Variants in DLEU7 observed in about 807,000 individuals in gnomAD.
DLEU7 encodes the protein leukemia-associated protein 7.
DLEU7 carries 17 observed loss-of-function variants against 16.0 expected under a neutral mutation model. The ratio of observed to expected loss-of-function variants is 1.06; its 90% CI spans 0.73 to 1.59. DLEU7 has a LOEUF of 1.59. Among genes scored for constraint, DLEU7 ranks in the 40% most tolerant of loss-of-function variants. The probability of loss-of-function intolerance (pLI) is 0.00; values close to 1 mark genes in which losing one functional copy is unlikely to be tolerated. For missense variants in DLEU7, 308 were observed against 314.9 expected, an observed-to-expected ratio of 0.98 and a Z score of 0.17; for synonymous variants, 113 against 139.8, an observed-to-expected ratio of 0.81 and a Z score of 1.35.
chr13:50,828,368 C>A (rs779618910), intron 1 of DLEU7, among the ~76,000 whole-genome samples: 1 of 152,022 alleles, frequency 6.6e-6, no homozygotes, highest in Non-Finnish European at 1.5e-5. Context: ...ACATAGATAC[C>A]CTTCCCAAAA....
At chr13:50,805,629 C>T (rs9535486) in intron 1 of DLEU7, among the ~76,000 whole-genome samples, 25,412 of 151,508 alleles carry the variant, frequency 0.17, 3,638 homozygotes, top group African/African-American at 0.38. Context: ...TTTCTAATTC[C>T]GTCTTCCACA....
chr13:50,827,705 G>A (rs1237685025), intron 1 of DLEU7, among the ~76,000 whole-genome samples: 1 of 151,814 alleles, frequency 6.6e-6, no homozygotes, highest in Non-Finnish European at 1.5e-5. Context: ...AGAAAAAACA[G>A]ATTATTGACC....
intron 1 of DLEU7, among the ~76,000 whole-genome samples, chr13:50,744,993 T>C (rs1874353843): frequency 6.6e-6 from 1 of 152,202 alleles, no homozygotes; most frequent in South Asian, 2.1e-4. Context: ...GCAGCCATTA[T>C]GGAAAACAAT....
chr13:50,755,724 T>C (rs1874735165), intron 1 of DLEU7, among the ~76,000 whole-genome samples: 1 of 151,160 alleles, frequency 6.6e-6, no homozygotes, highest in Non-Finnish European at 1.5e-5. Context: ...TTTGTATCCA[T>C]TGCTGGTGAG....
chr13:50,801,351 C>G (rs1178743365), intron 1 of DLEU7, among the ~76,000 whole-genome samples: 1 of 152,150 alleles, frequency 6.6e-6, no homozygotes, highest in East Asian at 1.9e-4. Flanking sequence ...ATGTTTTCAG[C>G]TATTCCAGGT....
chr13:50,781,687 G>A (rs1365641885), intron 1 of DLEU7, among the ~76,000 whole-genome samples: 2 of 152,054 alleles, frequency 1.3e-5, no homozygotes, highest in African/African-American at 4.8e-5. Context: ...TCTAGACCAC[G>A]CCTGTCTTTG....
chr13:50,777,299 G>C (rs1443484412), intron 1 of DLEU7, among the ~76,000 whole-genome samples: 3 of 152,176 alleles, frequency 2.0e-5, no homozygotes, highest in Non-Finnish European at 4.4e-5. Flanking sequence ...CAGTGGGCTG[G>C]GAAAGGCAGA....
At chr13:50,729,926 C>T (rs939541122) in intron 1 of DLEU7, among the ~76,000 whole-genome samples, 11 of 151,904 alleles carry the variant, frequency 7.2e-5, no homozygotes, top group East Asian at 1.9e-4. Context: ...CTTAACTTAT[C>T]GTCTATTTTT....
At chr13:50,841,403 T>C (rs1401434698) in intron 1 of DLEU7, among the ~76,000 whole-genome samples, 1 of 152,152 alleles carries the variant, frequency 6.6e-6, no homozygotes, top group South Asian at 2.1e-4. Flanking sequence ...GTATTTTTTT[T>C]TTAAAGGCTG....
chr13:50,830,561 C>T (rs1265149287), intron 1 of DLEU7, among the ~76,000 whole-genome samples: 4 of 152,164 alleles, frequency 2.6e-5, no homozygotes, highest in Non-Finnish European at 4.4e-5. Context: ...ATGCAAAGCT[C>T]ATTCTGTCAT....
At chr13:50,729,699 T>C (rs1004251991) in intron 1 of DLEU7, among the ~76,000 whole-genome samples, 4 of 152,238 alleles carry the variant, frequency 2.6e-5, no homozygotes, top group African/African-American at 4.8e-5. Flanking sequence ...CCAGCATCTA[T>C]TATTTTTTGA....
At chr13:50,722,864 A>C (rs1457920059) in intron 1 of DLEU7, among the ~76,000 whole-genome samples, 4 of 152,214 alleles carry the variant, frequency 2.6e-5, no homozygotes, top group Non-Finnish European at 5.9e-5. Context: ...AATTTCTCCC[A>C]ATAGTAGCAG....
At position 50,733,565 on chromosome 13, in the gene DLEU7, C is replaced by T. The variant is rs1437841178; in HGVS notation, c.460-20325G>A. Among the ~76,000 whole-genome samples, 4 of 151,966 alleles carry T rather than the reference C, an allele frequency of 2.6e-5. No homozygotes were observed. In the South Asian group the frequency reaches 8.3e-4, roughly 32 times the overall value. ...ATCTCCCCACCAGCTTCTCCCCACTCGTTAAGGGGGGCACCCAACTCCTCA... is the reference window on the plus strand; with the variant it reads ...ATCTCCCCACCAGCTTCTCCCCACTTGTTAAGGGGGGCACCCAACTCCTCA... On this transcript the variant is annotated intron_variant, in intron 1 of 1. Transcript: ENST00000400393.
chr13:50,746,565 T>A (rs961164072), intron 1 of DLEU7, among the ~76,000 whole-genome samples: 9 of 152,212 alleles, frequency 5.9e-5, no homozygotes, highest in African/African-American at 2.2e-4. Context: ...GACTAATACC[T>A]TCCCCTCTGA....
At chr13:50,766,024 G>A (rs1000419797) in intron 1 of DLEU7, among the ~76,000 whole-genome samples, 3 of 152,176 alleles carry the variant, frequency 2.0e-5, no homozygotes, top group Admixed American at 2.0e-4. Context: ...TTTAGTAGGA[G>A]GGTTGGGGGT....
At chr13:50,750,203 ATTTTATGT>A (rs1874522710) in intron 1 of DLEU7, among the ~76,000 whole-genome samples, 1 of 152,054 alleles carries the variant, frequency 6.6e-6, no homozygotes, top group Admixed American at 6.6e-5. Context: ...TCTTTTCCCC[ATTTTATGT>A]TTTTGTTTGC....
chr13:50,764,262 A>G (rs1875034029), intron 1 of DLEU7, among the ~76,000 whole-genome samples: 1 of 152,240 alleles, frequency 6.6e-6, no homozygotes, highest in African/African-American at 2.4e-5. Context: ...ACATATAATC[A>G]TTCATAGTTG....
intron 1 of DLEU7, among the ~76,000 whole-genome samples, chr13:50,802,311 G>C (rs2137782483): frequency 6.6e-6 from 1 of 152,186 alleles, no homozygotes; most frequent in Non-Finnish European, 1.5e-5. Flanking sequence ...ATTGGTGAAA[G>C]AGATTATGAT....
intron 1 of DLEU7, among the ~76,000 whole-genome samples, chr13:50,829,693 TA>T (rs1350488123): frequency 1.3e-5 from 2 of 152,232 alleles, no homozygotes; most frequent in Non-Finnish European, 2.9e-5. Flanking sequence ...ATTTCCTTTT[TA>T]TCCTTTCTCA....
Sources: gnomAD v4.1 joint callset for allele counts (sites outside exome capture counted in the v4.1 genomes callset) on GRCh38, gnomAD v4.1.1 for gene constraint, MANE v1.5 for transcripts, NCBI Gene and HGNC (gene_info 2026-07-23, HGNC 2026-07-21) for gene names.